ARHGEF10: variants seen among roughly 807,000 people sequenced by gnomAD.
The protein encoded by ARHGEF10 is Rho guanine nucleotide exchange factor (GEF) 10.
Under a neutral mutation model 147.4 loss-of-function variants are expected in ARHGEF10, and 140 were observed. That is an observed-to-expected ratio of 0.95 (90% CI 0.83 to 1.09). The LOEUF (loss-of-function observed/expected upper bound fraction) is 1.09. Among genes scored for constraint, ARHGEF10 ranks in the 50% least tolerant of loss-of-function variants. The pLI is 0.00. For missense variants in ARHGEF10, 2,222 were observed against 1,752.7 expected (o/e 1.27, Z -4.78); for synonymous variants, 902 against 695.8 (o/e 1.30, Z -4.67).
intron 2 of ARHGEF10, among the ~76,000 whole-genome samples, chr8:1,850,628 G>A (rs1192263752): frequency 2.0e-5 from 3 of 152,174 alleles, no homozygotes; most frequent in Non-Finnish European, 4.4e-5. Context: ...CCGCGTGGGA[G>A]GGCAGTTTGG....
At chr8:1,855,871 A>C (rs1805512505) in intron 2 of ARHGEF10, among the ~76,000 whole-genome samples, 1 of 152,054 alleles carries the variant, frequency 6.6e-6, no homozygotes, top group Admixed American at 6.6e-5. Context: ...TTACTTTAAA[A>C]GGTATTCACC....
intron 27 of ARHGEF10, chr8:1,946,005 G>A (rs141100616): frequency 7.9e-5 from 35 of 441,722 alleles, no homozygotes; most frequent in African/African-American, 7.0e-4. Flanking sequence ...CAGGACCTGA[G>A]GCTGAAGAAC....
At chr8:1,857,084 T>C (rs1805607232) in intron 2 of ARHGEF10, among the ~76,000 whole-genome samples, 1 of 152,246 alleles carries the variant, frequency 6.6e-6, no homozygotes, top group Non-Finnish European at 1.5e-5. Flanking sequence ...AAAATGTTTC[T>C]TATCAAGCAC....
intron 1 of ARHGEF10, among the ~76,000 whole-genome samples, chr8:1,837,983 C>T (rs1160650777): frequency 1.3e-5 from 2 of 152,164 alleles, no homozygotes; most frequent in Admixed American, 1.3e-4. Flanking sequence ...CTCTGTCTCC[C>T]CTCAGGACTG....
rs917315009 is a variant in ARHGEF10 at position 1,857,977 on chromosome 8, G to T, written c.55G>T (p.Asp19Tyr). The T allele has an allele frequency of 6.2e-7, 1 of 1,613,832 alleles. No homozygotes were observed. The change falls in exon 3 of 29, where the codon GAT becomes TAT. Residue 19 changes from aspartate to tyrosine, a missense_variant. Coordinates refer to ENST00000349830, the MANE Select transcript of ARHGEF10 (RefSeq NM_014629.4). ...PAPAENEMKY[D>Y]TNNNEEEEGE... ...CTTTTTAGAAAATGAAATGAAATATGATACCAATAATAATGAAGAGGAAGA... is the reference window on the plus strand; with the variant it reads ...CTTTTTAGAAAATGAAATGAAATATTATACCAATAATAATGAAGAGGAAGA...
intron 2 of ARHGEF10, among the ~76,000 whole-genome samples, chr8:1,845,989 T>C (rs2129054295): frequency 6.6e-6 from 1 of 152,340 alleles, no homozygotes; most frequent in Non-Finnish European, 1.5e-5. Flanking sequence ...CCACGCCCTC[T>C]GGGTGCAGCT....
At chr8:1,883,392 C>T (rs558155867) in intron 10 of ARHGEF10, among the ~76,000 whole-genome samples, 4 of 152,114 alleles carry the variant, frequency 2.6e-5, no homozygotes, top group South Asian at 2.1e-4. Flanking sequence ...ATACAGGGGT[C>T]GCTGTGACTC....
chr8:1,860,534 C>A (rs1806042936), intron 4 of ARHGEF10, among the ~76,000 whole-genome samples: 1 of 150,036 alleles, frequency 6.7e-6, no homozygotes, highest in Non-Finnish European at 1.5e-5. Flanking sequence ...CTGCCCCCAC[C>A]CAGGTCATTA....
At chr8:1,951,866 A>C (rs1585664294) in intron 27 of ARHGEF10, among the ~76,000 whole-genome samples, 3 of 106,370 alleles carry the variant, frequency 2.8e-5, no homozygotes, top group Admixed American at 9.8e-5. Flanking sequence ...TCTTTGGAGC[A>C]GGTGATGTGG....
intron 7 of ARHGEF10, chr8:1,870,055 T>G (rs1254626692): frequency 6.5e-6 from 1 of 152,984 alleles, no homozygotes; most frequent in East Asian, 1.9e-4. Context: ...GCCCGGGAAG[T>G]GTCGGGCGTG....
In ARHGEF10 at chr8:1,945,708, G is replaced by A. The variant is rs542589005; in HGVS notation, c.3397+53G>A. On this transcript the variant is annotated intron_variant, in intron 27 of 28. Coordinates refer to ENST00000349830, the MANE Select transcript of ARHGEF10 (RefSeq NM_014629.4). The stretch of plus-strand genomic sequence containing the variant: ...TGGGACAGCAACCGGGGACGGACGT[G>A]GGGGGTGCGGAGCGCTGTCAGCCCA... The A allele has an allele frequency of 8.1e-6, 13 of 1,608,214 alleles. No individual in the cohort carries two copies. In the East Asian group the frequency reaches 1.1e-4, roughly 14 times the overall value.
intron 18 of ARHGEF10, among the ~76,000 whole-genome samples, chr8:1,917,097 A>T (rs1811815572): frequency 6.6e-6 from 1 of 152,234 alleles, no homozygotes; most frequent in African/African-American, 2.4e-5. Flanking sequence ...GACCACTACG[A>T]ACAGTGACGT....
At chr8:1,891,706 C>T (rs1809541516) in intron 11 of ARHGEF10, among the ~76,000 whole-genome samples, 1 of 152,116 alleles carries the variant, frequency 6.6e-6, no homozygotes, top group Non-Finnish European at 1.5e-5. Context: ...GACTTTAGGT[C>T]AGGCTTCTCA....
intron 2 of ARHGEF10, among the ~76,000 whole-genome samples, chr8:1,850,056 C>T (rs1286012945): frequency 5.9e-4 from 50 of 85,376 alleles, no homozygotes; most frequent in Middle Eastern, 0.012. Context: ...CTGAGGAGGG[C>T]GTGGGCCGGC....
intron 26 of ARHGEF10, among the ~76,000 whole-genome samples, chr8:1,942,838 G>T (rs915767171): frequency 6.7e-6 from 1 of 149,602 alleles, no homozygotes; most frequent in Admixed American, 6.7e-5. Flanking sequence ...GACACAAAAG[G>T]CCGAACATTG....
chr8:1,863,581 C>T (rs891645175), intron 4 of ARHGEF10, among the ~76,000 whole-genome samples: 13 of 152,148 alleles, frequency 8.5e-5, no homozygotes, highest in Non-Finnish European at 5.9e-5. Flanking sequence ...GTGGCAGATT[C>T]GTCAAGGGAC....
chr8:1,849,707 C>A (rs1202574226), intron 2 of ARHGEF10, among the ~76,000 whole-genome samples: 1 of 135,226 alleles, frequency 7.4e-6, no homozygotes, highest in Non-Finnish European at 1.6e-5. Flanking sequence ...CTGAGGAGGG[C>A]ATGGGGTGGC....
chr8:1,894,024 A>G (rs754499305), intron 12 of ARHGEF10, among the ~76,000 whole-genome samples: 3 of 151,954 alleles, frequency 2.0e-5, no homozygotes, highest in Non-Finnish European at 4.4e-5. Context: ...AATACAAAAT[A>G]TTAGCCGGGT....
At chr8:1,894,619 C>T in intron 13 of ARHGEF10, 47 bp downstream of exon 13, 2 of 1,591,170 alleles carry the variant, frequency 1.3e-6, no homozygotes, top group East Asian at 4.5e-5. Context: ...CTCCATGCAC[C>T]TGTCCTCTCT....
Sources: gnomAD v4.1 joint callset for allele counts (sites outside exome capture counted in the v4.1 genomes callset) on GRCh38, gnomAD v4.1.1 for gene constraint, MANE v1.5 for transcripts, NCBI Gene and HGNC (gene_info 2026-07-23, HGNC 2026-07-21) for gene names.